Variants in PTGFRN observed in about 807,000 individuals in gnomAD.
PTGFRN encodes the protein prostaglandin F2 receptor inhibitor, also known as prostaglandin F2 receptor negative regulator.
PTGFRN carries 35 observed loss-of-function variants against 83.2 expected under a neutral mutation model. That is an observed-to-expected ratio of 0.42 (90% CI 0.32 to 0.56). The LOEUF is 0.56. Among genes scored for constraint, PTGFRN ranks in the 20% least tolerant of loss-of-function variants. The probability of loss-of-function intolerance (pLI) is 0.11; values close to 1 mark genes in which losing one functional copy is unlikely to be tolerated. For missense variants in PTGFRN, 1,051 were observed against 1,179.5 expected, an observed-to-expected ratio of 0.89 and a Z score of 1.60; for synonymous variants, 519 against 498.6, an observed-to-expected ratio of 1.04 and a Z score of -0.55.
chr1:116,973,621 A>G (rs994814402), intron 6 of PTGFRN, among the ~76,000 whole-genome samples: 1 of 151,816 alleles, frequency 6.6e-6, no homozygotes, highest in South Asian at 2.1e-4. Context: ...AAAAAAAAAA[A>G]AAGGAAAAAG....
chr1:116,931,372 C>T (rs1649797437), intron 1 of PTGFRN, among the ~76,000 whole-genome samples: 1 of 152,194 alleles, frequency 6.6e-6, no homozygotes, highest in South Asian at 2.1e-4. Context: ...CACAAGCTGA[C>T]TAACCTTTCA....
At chr1:116,986,294 A>G (rs1557752558) in intron 8 of PTGFRN, among the ~76,000 whole-genome samples, 1 of 152,198 alleles carries the variant, frequency 6.6e-6, no homozygotes. Context: ...CATCTTAGGA[A>G]TTCCTTGCTT....
rs1650387480 is a variant in PTGFRN at position 116,952,933 on chromosome 1, T to C, written c.1213+3361T>C. Among the ~76,000 whole-genome samples, 1 of 152,240 alleles carries C rather than the reference T, an allele frequency of 6.6e-6. No homozygotes were observed. Among genetic ancestry groups the C allele is most frequent in the Admixed American group, 6.5e-5 (1 of 15,286 alleles). ...GGGGACAAATGATGCTTTGTGTTGA[T>C]CCAATTTAGTATATGTCTAAAACAG... On this transcript the variant is annotated intron_variant, in intron 4 of 8. Coordinates refer to ENST00000393203, the MANE Select transcript of PTGFRN (RefSeq NM_020440.4). The surrounding 1 kb of genome is among the most constrained non-coding windows in gnomAD (Gnocchi z 4.0).
In PTGFRN at chr1:116,912,968, G is replaced by C. The variant is rs372216891; in HGVS notation, c.49+2716G>C. ...AGAACCCACCCAGCCACATAGAGCAGGTTTCACATCCATTGCCTATGTCTG... is the reference window on the plus strand; with the variant it reads ...AGAACCCACCCAGCCACATAGAGCACGTTTCACATCCATTGCCTATGTCTG... On this transcript the variant is annotated intron_variant, in intron 1 of 8. Transcript: ENST00000393203. Among the ~76,000 whole-genome samples, 9 of 152,326 alleles carry C rather than the reference G, an allele frequency of 5.9e-5. No homozygotes were observed. In the South Asian group the frequency reaches 1.7e-3, roughly 28 times the overall value.
At chr1:116,916,728 G>C (rs756952820) in intron 1 of PTGFRN, among the ~76,000 whole-genome samples, 6 of 152,188 alleles carry the variant, frequency 3.9e-5, no homozygotes, top group Non-Finnish European at 7.3e-5. Context: ...TTTGGAATGA[G>C]CTGTTTGAAG....
In PTGFRN at chr1:116,967,016, G is replaced by A. The variant is rs376621300; in HGVS notation, c.1745G>A (p.Arg582His). 22 of 1,614,014 alleles carry A rather than the reference G, an allele frequency of 1.4e-5. No individual in the cohort carries two copies. Among genetic ancestry groups the A allele is most frequent in the Non-Finnish European group, 1.8e-5 (21 of 1,180,044 alleles). Residue 582 changes from arginine (R) to histidine (H), a missense_variant, in exon 6 of 9, where the codon CGC becomes CAC. Physicochemically the swap from Arg to His is conservative, Grantham distance 29. This residue lies in a region of PTGFRN where 719 missense variants were observed against 836.6 expected (regional missense o/e 0.86). Transcript: ENST00000393203. ...KVSSKNIKSP[R>H]YSVLIMAEKP... The stretch of plus-strand genomic sequence containing the variant: ...TCTTCCAAGAATATTAAGTCGCCAC[G>A]CTACTCTGTTCTCATCATGGCTGAG...
In PTGFRN at chr1:116,961,485, G is replaced by A. The variant is rs1650662181; in HGVS notation, c.1456G>A (p.Gly486Arg). The A allele has an allele frequency of 6.2e-7, 1 of 1,614,178 alleles. No individual in the cohort carries two copies. The highest frequency in any genetic ancestry group is 1.1e-5 in the South Asian group (1 of 91,074). The change falls in exon 5 of 9, where the codon GGA becomes AGA. Residue 486 changes from glycine (G) to arginine (R), a missense_variant. Transcript: ENST00000393203. The surrounding 1 kb of genome is among the most constrained non-coding windows in gnomAD (Gnocchi z 5.4). ...GAGGAGCAAGCAGCGGGCCCAGGATGGAGACTTTATTTTTTCTAAGGAACA... is the reference window on the plus strand; with the variant it reads ...GAGGAGCAAGCAGCGGGCCCAGGATAGAGACTTTATTTTTTCTAAGGAACA... ...GERSKQRAQD[G>R]DFIFSKEHTD...
chr1:116,981,924 CAGA>C (rs1651332447), intron 7 of PTGFRN, among the ~76,000 whole-genome samples: 1 of 152,086 alleles, frequency 6.6e-6, no homozygotes, highest in Non-Finnish European at 1.5e-5. Context: ...AGGTAGGAAA[CAGA>C]AGGAGAGTTT....
chr1:116,934,764 G>T (rs6691776), intron 1 of PTGFRN, among the ~76,000 whole-genome samples: 94,050 of 151,988 alleles, frequency 0.62, 30,383 homozygotes, highest in East Asian at 0.82. Context: ...AAAAATTGTA[G>T]TGGCTTTGTA....
chr1:116,939,166 G>A (rs904451264), intron 1 of PTGFRN, among the ~76,000 whole-genome samples: 1 of 152,246 alleles, frequency 6.6e-6, no homozygotes, highest in Non-Finnish European at 1.5e-5. Flanking sequence ...GGGTCTGGAG[G>A]ATGGTGGCCT....
At position 116,952,655 on chromosome 1, in the gene PTGFRN, A is replaced by G. The variant is rs1450957235; in HGVS notation, c.1213+3083A>G. Among the ~76,000 whole-genome samples the G allele has an allele frequency of 1.3e-5, 2 of 152,364 alleles. No individual in the cohort carries two copies. The highest frequency in any genetic ancestry group is 4.8e-5 in the African/African-American group (2 of 41,594). On this transcript the variant is annotated intron_variant, in intron 4 of 8. Coordinates refer to ENST00000393203, the MANE Select transcript of PTGFRN (RefSeq NM_020440.4). The surrounding 1 kb of genome is among the most constrained non-coding windows in gnomAD (Gnocchi z 4.0). Reference sequence around the variant, plus strand: ...TTGAGACAAAAAAAAAGATGTGATTATACAGTTCTCCTCTGAGGAAGGAAA... The same window carrying G: ...TTGAGACAAAAAAAAAGATGTGATTGTACAGTTCTCCTCTGAGGAAGGAAA...
At chr1:116,967,597 C>G (rs534591099) in intron 6 of PTGFRN, among the ~76,000 whole-genome samples, 2 of 152,190 alleles carry the variant, frequency 1.3e-5, no homozygotes, top group African/African-American at 2.4e-5. Context: ...CCATTCCCCA[C>G]CTCCCATTCT....
At chr1:116,954,492 T>C (rs1650432728) in intron 4 of PTGFRN, among the ~76,000 whole-genome samples, 1 of 152,264 alleles carries the variant, frequency 6.6e-6, no homozygotes, top group Non-Finnish European at 1.5e-5. Context: ...CTTCTGTTTC[T>C]TCTAACTGGT....
chr1:116,949,659 G>A, intron 4 of PTGFRN, 87 bp downstream of exon 4: 4 of 1,499,032 alleles, frequency 2.7e-6, no homozygotes, highest in South Asian at 1.4e-5. Flanking sequence ...GAGGCTCTGC[G>A]CTTTGCATGA....
chr1:116,957,336 T>TG (rs965246760), intron 4 of PTGFRN, among the ~76,000 whole-genome samples: 1 of 151,830 alleles, frequency 6.6e-6, no homozygotes, highest in Non-Finnish European at 1.5e-5. Context: ...TTTTCATGTC[T>TG]GGGGGAGTGA....
chr1:116,910,750 A>G (rs1033026527), intron 1 of PTGFRN, among the ~76,000 whole-genome samples: 1 of 152,002 alleles, frequency 6.6e-6, no homozygotes, highest in African/African-American at 2.4e-5. Context: ...GAATCCTCCA[A>G]CTTCCTTCCA....
At chr1:116,974,911 C>T (rs1289681236) in intron 7 of PTGFRN, among the ~76,000 whole-genome samples, 2 of 152,136 alleles carry the variant, frequency 1.3e-5, no homozygotes, top group Non-Finnish European at 2.9e-5. Context: ...GAGCGTGAGC[C>T]GAAGCAGGGC....
At chr1:116,986,696 A>G (rs888015956) in intron 8 of PTGFRN, 105 bp from the exon 9 acceptor site, 1 of 1,133,122 alleles carries the variant, frequency 8.8e-7, no homozygotes, top group Non-Finnish European at 1.3e-6. Context: ...ATGAGACCTT[A>G]TCTCTCGGGA....
chr1:116,967,442 T>C (rs775757185), intron 6 of PTGFRN, 112 bp downstream of exon 6: 47 of 1,087,810 alleles, frequency 4.3e-5, no homozygotes, highest in Non-Finnish European at 6.1e-5. Flanking sequence ...TCATATGCCA[T>C]ACAATGTACC....
Sources: allele counts gnomAD v4.1 joint callset (sites outside exome capture counted in the v4.1 genomes callset), GRCh38; gene constraint gnomAD v4.1.1; regional missense constraint gnomAD v4.1.1; non-coding constraint Gnocchi (gnomAD v3.1); transcripts MANE v1.5; gene names NCBI Gene and HGNC (gene_info 2026-07-23, HGNC 2026-07-21).